The following DLG3 variants were observed in gnomAD, a reference collection of about 807,000 sequenced individuals.
DLG3 encodes the protein disks large homolog 3.
A neutral mutation model predicts 64.1 loss-of-function variants in DLG3; 1 was observed. That is an observed-to-expected ratio of 0.02 (90% confidence interval 0.01 to 0.07). The LOEUF (loss-of-function observed/expected upper bound fraction) is 0.07. Among genes scored for constraint, DLG3 ranks in the 10% least tolerant of loss-of-function variants. The pLI is 1.00. For missense variants in DLG3, 429 were observed against 669.5 expected (o/e 0.64, Z 3.96); for synonymous variants, 245 against 259.8 (o/e 0.94, Z 0.55).
intron 10 of DLG3, among the ~76,000 whole-genome samples, chrX:70,487,935 A>T (rs980935429): frequency 2.8e-5 from 3 of 106,192 alleles, no homozygotes; most frequent in African/African-American, 1.0e-4. Context: ...ACAGGTGTGA[A>T]CCACCGCACC....
At chrX:70,497,117 G>A (rs1485714446) in intron 13 of DLG3, 7 of 1,102,069 alleles carry the variant, frequency 6.4e-6, no homozygotes, top group Non-Finnish European at 8.8e-6. Context: ...TTTGAGTTTT[G>A]TGCTGCATGT....
Position 70,450,901 on chromosome X carries a change from G to A in DLG3, c.985+118G>A. On this transcript the variant is annotated intron_variant, in intron 6 of 18. Coordinates refer to ENST00000374360, the MANE Select transcript of DLG3 (RefSeq NM_021120.4). ...AGCAGCTTTGCTCAGTGGTGGCACT[G>A]TAGCAGCCAATAAGGTTTATCTGAG... 4.2e-6 allele frequency: 4 copies of A among 955,262 alleles called. No individual in the cohort carries two copies. The South Asian group carries it at 8.4e-5, about 20-fold the overall frequency. 78.7% of individuals were successfully genotyped at this position (955,262 alleles called of 1,213,427 possible).
chrX:70,448,615 A>G (rs2086589158), intron 1 of DLG3: 1 of 1,164,349 alleles, frequency 8.6e-7, no homozygotes, highest in Non-Finnish European at 1.1e-6. Flanking sequence ...ACCCTGAGAC[A>G]CTGAAGCACA....
At chrX:70,460,291 A>C (rs1367998732) in intron 9 of DLG3, among the ~76,000 whole-genome samples, 3 of 108,455 alleles carry the variant, frequency 2.8e-5, no homozygotes, top group Non-Finnish European at 5.7e-5. Flanking sequence ...TCAAAAAAAA[A>C]AAAAAAAAAA....
chrX:70,499,123 C>A, intron 14 of DLG3, 53 bp from the exon 15 acceptor site: 1 of 932,553 alleles, frequency 1.1e-6, no homozygotes, highest in Non-Finnish European at 1.5e-6. Flanking sequence ...AGGGGTAGGA[C>A]AGGCTGTCTG....
rs2087605996 is a variant in DLG3, at chrX:70,503,675, G to A, written c.*1406G>A. On this transcript the variant is annotated 3_prime_UTR_variant, in exon 19 of 19. Coordinates refer to ENST00000374360, the MANE Select transcript of DLG3 (RefSeq NM_021120.4). ...AGCTGGTAGCTTATGGTTTCTTCAA[G>A]AGGAAAGTAGACTTTATGCTGTACA... The A allele has an allele frequency of 9.0e-6, 1 of 111,449 alleles. No homozygotes were observed. Among genetic ancestry groups the A allele is most frequent in the Admixed American group, 9.5e-5 (1 of 10,481 alleles). 9.2% of individuals were successfully genotyped at this position (111,449 alleles called of 1,213,427 possible).
At chrX:70,452,535 A>C in intron 7 of DLG3, 1 of 1,155,550 alleles carries the variant, frequency 8.7e-7, no homozygotes, top group Non-Finnish European at 1.2e-6. Flanking sequence ...TCCGGGGGAC[A>C]GGTTTGCAGG....
intron 10 of DLG3, among the ~76,000 whole-genome samples, chrX:70,483,459 G>A (rs1008236022): frequency 8.9e-6 from 1 of 112,755 alleles, no homozygotes; most frequent in African/African-American, 3.2e-5. Flanking sequence ...TTAAGCGGCA[G>A]GTGGTTAAAG....
At chrX:70,450,039 G>A (rs995525175) in intron 4 of DLG3, 130 bp from the exon 5 acceptor site, 10 of 1,012,630 alleles carry the variant, frequency 9.9e-6, no homozygotes, top group South Asian at 8.9e-5. Context: ...GCAGCTTAGC[G>A]TTTGGATCCC....
intron 10 of DLG3, among the ~76,000 whole-genome samples, chrX:70,488,718 C>T (rs2087302492): frequency 8.9e-6 from 1 of 112,082 alleles, no homozygotes; most frequent in Non-Finnish European, 1.9e-5. Flanking sequence ...GACAAAATGA[C>T]CTCTGAGGCT....
chrX:70,457,044 G>C (rs780421846), intron 9 of DLG3, among the ~76,000 whole-genome samples: 33 of 111,983 alleles, frequency 2.9e-4, no homozygotes, highest in Admixed American at 1.6e-3. Context: ...GTGAATGTGA[G>C]AGCTGGAAAG....
At chrX:70,461,886 T>G (rs2086807610) in intron 9 of DLG3, among the ~76,000 whole-genome samples, 1 of 111,550 alleles carries the variant, frequency 9.0e-6, no homozygotes, top group Non-Finnish European at 1.9e-5. Flanking sequence ...AACAAAAAAT[T>G]GCTGATTGAG....
rs775767358 is a variant in DLG3 at position 70,505,146 on chromosome X, TCTC to T, written c.*2880_*2882del. 9.8e-5 allele frequency: 11 copies of T among 112,399 alleles called. No homozygotes were observed. The highest frequency in any genetic ancestry group is 2.1e-4 in the Non-Finnish European group (11 of 53,247). The allele number at this position is 112,399 out of a possible 1,213,427, so 9.3% of individuals were successfully genotyped here. ...CTCCATGAGAGCTTAAGAAAATTCA[TCTC>T]CTGAGGACAAAGAGAACAAAGATCT... On this transcript the variant is annotated 3_prime_UTR_variant, in exon 19 of 19. Coordinates refer to ENST00000374360, the MANE Select transcript of DLG3 (RefSeq NM_021120.4).
intron 9 of DLG3, among the ~76,000 whole-genome samples, chrX:70,469,590 C>G (rs1439516263): frequency 9.2e-6 from 1 of 108,954 alleles, no homozygotes; most frequent in African/African-American, 3.4e-5. Context: ...TTACAGGAGC[C>G]CACCACTATG....
chrX:70,462,249 T>C (rs1451514888), intron 9 of DLG3, among the ~76,000 whole-genome samples: 5 of 79,287 alleles, frequency 6.3e-5, no homozygotes, highest in East Asian at 3.7e-4. Context: ...CTTTCTTTTT[T>C]TTTTTTTTTT....
At chrX:70,486,854 G>A (rs900866754) in intron 10 of DLG3, among the ~76,000 whole-genome samples, 1 of 110,229 alleles carries the variant, frequency 9.1e-6, no homozygotes, top group Non-Finnish European at 1.9e-5. Context: ...TATCAGTGTT[G>A]TGGAAAAAGG....
At chrX:70,483,429 G>A (rs772304898) in intron 10 of DLG3, among the ~76,000 whole-genome samples, 1 of 113,098 alleles carries the variant, frequency 8.8e-6, no homozygotes, top group South Asian at 3.6e-4. Context: ...CTGGCAGTTC[G>A]CCATCTACCC....
intron 1 of DLG3, among the ~76,000 whole-genome samples, chrX:70,448,299 G>A (rs116052018): frequency 0.045 from 5,067 of 111,728 alleles, 302 homozygotes; most frequent in African/African-American, 0.15. Context: ...AAGAACACCT[G>A]GATATCCTAT....
chrX:70,495,529 T>C (rs2087439387), intron 13 of DLG3, 76 bp downstream of exon 13: 4 of 990,475 alleles, frequency 4.0e-6, no homozygotes, highest in Non-Finnish European at 5.8e-6. Flanking sequence ...ATTGGGGACA[T>C]GGGTGAGGGT....
Sources: allele counts gnomAD v4.1 joint callset (sites outside exome capture counted in the v4.1 genomes callset), GRCh38; gene constraint gnomAD v4.1.1; transcripts MANE v1.5; gene names NCBI Gene and HGNC (gene_info 2026-07-23, HGNC 2026-07-21).